The following VEGFC variants were observed in gnomAD, a reference collection of about 807,000 sequenced individuals.
VEGFC encodes the protein vascular endothelial growth factor C.
In VEGFC, 12 loss-of-function variants were observed where a neutral mutation model predicts 46.1. That is an observed-to-expected ratio of 0.26 (90% CI 0.17 to 0.42). The LOEUF (loss-of-function observed/expected upper bound fraction) is 0.42, where lower values mean the gene tolerates loss of function less well. VEGFC is among the 10% of genes least tolerant of loss of function. The pLI is 1.00. For missense variants in VEGFC, 488 were observed against 529.4 expected (o/e 0.92, Z 0.77); for synonymous variants, 232 against 195.5 (o/e 1.19, Z -1.56).
intron 1 of VEGFC, among the ~76,000 whole-genome samples, chr4:176,754,230 GT>G (rs750980548): frequency 3.7e-3 from 514 of 137,412 alleles, no homozygotes; most frequent in Middle Eastern, 3.8e-3. Flanking sequence ...GTCTTAACTT[GT>G]TTTTTTTTTT....
At position 176,792,361 on chromosome 4, in the gene VEGFC, G is replaced by A. The variant is rs757439796; in HGVS notation, c.-50C>T. On this transcript the variant is annotated 5_prime_UTR_variant, in exon 1 of 7. Coordinates refer to ENST00000618562, the MANE Select transcript of VEGFC (RefSeq NM_005429.5). This position sits in a 1 kb window ranked among gnomAD's most constrained non-coding sequence, Gnocchi z 6.3. ...CCGGTCCGCTGGCGGGGGCAGGGGT[G>A]GGGGCGCGGGCGCCCCTGCGAGGCC... 3.7e-6 allele frequency: 5 copies of A among 1,367,778 alleles called. No individual in the cohort carries two copies. Among genetic ancestry groups the A allele is most frequent in the Non-Finnish European group, 4.8e-6 (5 of 1,051,876 alleles). 84.7% of individuals were successfully genotyped at this position (1,367,778 alleles called of 1,614,324 possible).
At chr4:176,766,685 A>G (rs1208244448) in intron 1 of VEGFC, among the ~76,000 whole-genome samples, 1 of 152,184 alleles carries the variant, frequency 6.6e-6, no homozygotes. Flanking sequence ...ATCGTAAAAC[A>G]GAGTCCAGAA....
At chr4:176,708,297 T>C (rs1407401258) in intron 4 of VEGFC, among the ~76,000 whole-genome samples, 4 of 151,982 alleles carry the variant, frequency 2.6e-5, no homozygotes, top group African/African-American at 9.6e-5. Flanking sequence ...TCCTGGCAAA[T>C]ACAATTATAA....
chr4:176,786,441 T>G (rs6825343), intron 1 of VEGFC, among the ~76,000 whole-genome samples: 2,957 of 152,270 alleles, frequency 0.019, 82 homozygotes, highest in African/African-American at 0.067. Context: ...ATTTCTGTAA[T>G]TAGCATCTAC....
chr4:176,687,294 G>A lies in VEGFC; in HGVS notation c.1038C>T (p.Thr346=). The change falls in exon 6 of 7, where the codon ACC becomes ACT. Residue 346 remains threonine (T), a synonymous_variant. Transcript: ENST00000618562. ...GATTTAGGGGTTGATTTCTGGGGCA[G>A]GTTCTTTTACATACACACTGGCATG... ...ENTCQCVCKR[T]CPRNQPLNPG... 6.2e-7 allele frequency: 1 copy of A among 1,614,062 alleles called. No individual in the cohort carries two copies. Among genetic ancestry groups the A allele is most frequent in the Non-Finnish European group, 8.5e-7 (1 of 1,180,018 alleles).
At chr4:176,783,845 T>G (rs1011585212) in intron 1 of VEGFC, among the ~76,000 whole-genome samples, 13 of 127,544 alleles carry the variant, frequency 1.0e-4, no homozygotes, top group Non-Finnish European at 2.1e-4. Flanking sequence ...TTTTAGAAAT[T>G]GGGAAAATTG....
intron 1 of VEGFC, among the ~76,000 whole-genome samples, chr4:176,788,610 T>A (rs1018970749): frequency 1.3e-5 from 2 of 152,210 alleles, no homozygotes; most frequent in Admixed American, 6.5e-5. Flanking sequence ...CACGATCACA[T>A]GGCTGACTGG....
chr4:176,750,908 G>A (rs1735332129), intron 1 of VEGFC, among the ~76,000 whole-genome samples: 1 of 151,376 alleles, frequency 6.6e-6, no homozygotes, highest in African/African-American at 2.4e-5. Context: ...TAGCCCATGG[G>A]TTATAACAGG....
At chr4:176,734,440 C>A (rs1017197489) in intron 1 of VEGFC, among the ~76,000 whole-genome samples, 1 of 151,704 alleles carries the variant, frequency 6.6e-6, no homozygotes, top group Admixed American at 6.6e-5. Flanking sequence ...TGAGTTTGTT[C>A]CACTACAAGT....
chr4:176,742,035 G>A (rs1465483306), intron 1 of VEGFC, among the ~76,000 whole-genome samples: 1 of 151,814 alleles, frequency 6.6e-6, no homozygotes, highest in East Asian at 1.9e-4. Context: ...GGGTTACAAA[G>A]GTGTATTGTT....
chr4:176,765,080 G>A (rs1735595816), intron 1 of VEGFC, among the ~76,000 whole-genome samples: 1 of 152,046 alleles, frequency 6.6e-6, no homozygotes, highest in South Asian at 2.1e-4. Context: ...ACTACAACTA[G>A]TATGTTTGAG....
chr4:176,763,192 G>T (rs1321060351), intron 1 of VEGFC, among the ~76,000 whole-genome samples: 2 of 152,198 alleles, frequency 1.3e-5, no homozygotes, highest in African/African-American at 2.4e-5. Flanking sequence ...CAAACAAAAA[G>T]CTGCTCTAGA....
chr4:176,790,015 C>T (rs1269618316), intron 1 of VEGFC, among the ~76,000 whole-genome samples: 1 of 152,170 alleles, frequency 6.6e-6, no homozygotes, highest in Non-Finnish European at 1.5e-5. Flanking sequence ...CAATTGATTT[C>T]TCCCCAGTTC....
chr4:176,770,349 A>G (rs1735700984), intron 1 of VEGFC, among the ~76,000 whole-genome samples: 1 of 152,208 alleles, frequency 6.6e-6, no homozygotes, highest in African/African-American at 2.4e-5. Flanking sequence ...CTGGCTACTC[A>G]TCTTTTTAAC....
At chr4:176,758,749 C>T (rs942271996) in intron 1 of VEGFC, among the ~76,000 whole-genome samples, 2 of 152,140 alleles carry the variant, frequency 1.3e-5, no homozygotes, top group African/African-American at 4.8e-5. Flanking sequence ...TCTGGCCCCA[C>T]ATTGCATTCA....
chr4:176,755,581 C>T (rs1463289464), intron 1 of VEGFC, among the ~76,000 whole-genome samples: 4 of 151,996 alleles, frequency 2.6e-5, no homozygotes, highest in African/African-American at 9.7e-5. Context: ...AGATAGACTC[C>T]TTGCCTCAAT....
intron 1 of VEGFC, among the ~76,000 whole-genome samples, chr4:176,740,877 A>G (rs919837758): frequency 6.6e-6 from 1 of 151,930 alleles, no homozygotes; most frequent in African/African-American, 2.4e-5. Context: ...ATTACAATAA[A>G]TAACGTTCAA....
intron 1 of VEGFC, among the ~76,000 whole-genome samples, chr4:176,751,423 G>C (rs769702065): frequency 1.3e-5 from 2 of 151,946 alleles, no homozygotes; most frequent in Admixed American, 6.6e-5. Flanking sequence ...AGGATTAATA[G>C]AATGATCAAA....
chr4:176,740,468 CTA>C (rs1426848861), intron 1 of VEGFC, among the ~76,000 whole-genome samples: 1 of 120,782 alleles, frequency 8.3e-6, no homozygotes, highest in Non-Finnish European at 1.7e-5. Flanking sequence ...GTATATATAA[CTA>C]TATATTCTAT....
Sources: gnomAD v4.1 joint callset for allele counts (sites outside exome capture counted in the v4.1 genomes callset) on GRCh38, gnomAD v4.1.1 for gene constraint, Gnocchi (gnomAD v3.1) non-coding constraint, MANE v1.5 for transcripts, NCBI Gene and HGNC (gene_info 2026-07-23, HGNC 2026-07-21) for gene names.